ITGB3: variants seen among roughly 807,000 people sequenced by gnomAD.
ITGB3 encodes integrin beta-3.
Under a neutral mutation model 85.8 loss-of-function variants are expected in ITGB3, and 48 were observed. That is an observed-to-expected ratio of 0.56 (90% CI 0.44 to 0.71). The LOEUF (loss-of-function observed/expected upper bound fraction) is 0.71, where lower values mean the gene tolerates loss of function less well. ITGB3 is among the 30% of genes least tolerant of loss of function. ITGB3 has a pLI of 0.00. For synonymous variants in ITGB3, 363 were observed against 395.6 expected (o/e 0.92, Z 0.98); for missense variants, 861 against 1,019.1 (o/e 0.84, Z 2.11).
chr17:47,257,956 G>C (rs58847127), intron 1 of ITGB3, among the ~76,000 whole-genome samples: 6,683 of 152,210 alleles, frequency 0.044, 207 homozygotes, highest in Admixed American at 0.099. Flanking sequence ...TTTCCTGATC[G>C]AAATTTCTCC....
intron 1 of ITGB3, among the ~76,000 whole-genome samples, chr17:47,255,969 AAAT>A (rs554109381): frequency 0.014 from 1,814 of 126,904 alleles, 17 homozygotes; most frequent in African/African-American, 0.034. Flanking sequence ...AACTCAGTAA[AAAT>A]AAATAAATAA....
chr17:47,279,143 C>T (rs1308210813), intron 2 of ITGB3, among the ~76,000 whole-genome samples: 1 of 152,166 alleles, frequency 6.6e-6, no homozygotes, highest in African/African-American at 2.4e-5. Context: ...GTACCAAGAG[C>T]GTGTGTCACC....
intron 1 of ITGB3, among the ~76,000 whole-genome samples, chr17:47,263,305 A>T (rs529374396): frequency 3.1e-4 from 47 of 152,254 alleles, no homozygotes; most frequent in African/African-American, 1.0e-3. Flanking sequence ...TGGCGACCTA[A>T]TTAACCTCAT....
intron 1 of ITGB3, among the ~76,000 whole-genome samples, chr17:47,255,933 C>T (rs941056043): frequency 1.3e-5 from 2 of 151,356 alleles, no homozygotes; most frequent in Non-Finnish European, 2.9e-5. Context: ...GCTATTGATG[C>T]CGGGAATGGA....
intron 1 of ITGB3, among the ~76,000 whole-genome samples, chr17:47,259,095 A>G (rs2149058938): frequency 6.6e-6 from 1 of 152,318 alleles, no homozygotes; most frequent in East Asian, 1.9e-4. Flanking sequence ...AGCTATATAT[A>G]AGTCATTAGA....
chr17:47,302,749 T>C lies in ITGB3; in HGVS notation c.2043T>C (p.Cys681=), dbSNP rs991801521. ...LKDTGKDAVN[C]TYKNEDDCVV... ...ACACTGGCAAGGATGCAGTGAATTG[T>C]ACCTATAAGAATGAGGATGACTGTG... Residue 681 remains cysteine, a synonymous_variant, in exon 13 of 15, where the codon TGT becomes TGC. Transcript: ENST00000559488. 3.1e-6 allele frequency: 5 copies of C among 1,614,122 alleles called. No individual in the cohort carries two copies. In the African/African-American group the frequency reaches 6.7e-5, roughly 22 times the overall value.
At chr17:47,292,062 C>T in intron 9 of ITGB3, 77 bp from the exon 10 acceptor site, 1 of 1,509,390 alleles carries the variant, frequency 6.6e-7, no homozygotes, top group Non-Finnish European at 9.2e-7. Flanking sequence ...GGGCAGGGAA[C>T]AACTTTTTTT....
chr17:47,302,665 G>A, intron 12 of ITGB3, 56 bp from the exon 13 acceptor site: 2 of 1,609,192 alleles, frequency 1.2e-6, no homozygotes, highest in Non-Finnish European at 1.7e-6. Context: ...GTTTGGAGTG[G>A]TCCCATCTTC....
In ITGB3 at chr17:47,283,411, T is replaced by C; in HGVS notation, c.223T>C (p.Cys75Arg). The C allele has an allele frequency of 6.2e-7, 1 of 1,614,218 alleles. No homozygotes were observed. Among genetic ancestry groups the C allele is most frequent in the Non-Finnish European group, 8.5e-7 (1 of 1,180,042 alleles). Residue 75 changes from cysteine (C) to arginine (R), a missense_variant, in exon 3 of 15, where the codon TGT (cysteine) becomes CGT (arginine). Coordinates refer to ENST00000559488, the MANE Select transcript of ITGB3 (RefSeq NM_000212.3). ...DLKENLLKDN[C>R]APESIEFPVS... ...GAAGGAGAATCTGCTGAAGGATAACTGTGCCCCAGAATCCATCGAGTTCCC... is the reference window on the plus strand; with the variant it reads ...GAAGGAGAATCTGCTGAAGGATAACCGTGCCCCAGAATCCATCGAGTTCCC...
chr17:47,267,075 G>A (rs1476613615), intron 1 of ITGB3, among the ~76,000 whole-genome samples: 2 of 152,144 alleles, frequency 1.3e-5, no homozygotes, highest in Non-Finnish European at 2.9e-5. Flanking sequence ...TGAGACTCAG[G>A]ATAAAAACAA....
At chr17:47,264,658 GT>G (rs1318611622) in intron 1 of ITGB3, among the ~76,000 whole-genome samples, 4 of 152,054 alleles carry the variant, frequency 2.6e-5, no homozygotes, top group African/African-American at 9.7e-5. Flanking sequence ...AACCTCCTCT[GT>G]GCTTTTCTCT....
At chr17:47,280,420 G>A (rs1167198951) in intron 2 of ITGB3, among the ~76,000 whole-genome samples, 1 of 152,160 alleles carries the variant, frequency 6.6e-6, no homozygotes, top group Non-Finnish European at 1.5e-5. Flanking sequence ...GCAGTGGTGT[G>A]ATCTTGGCTC....
At chr17:47,275,041 G>A (rs1028277444) in intron 2 of ITGB3, among the ~76,000 whole-genome samples, 1 of 152,164 alleles carries the variant, frequency 6.6e-6, no homozygotes, top group Non-Finnish European at 1.5e-5. Flanking sequence ...ATGGGGTTGG[G>A]AGGGGTTGCT....
chr17:47,301,459 G>A (rs532512822), intron 12 of ITGB3, among the ~76,000 whole-genome samples: 1 of 152,304 alleles, frequency 6.6e-6, no homozygotes, highest in East Asian at 1.9e-4. Flanking sequence ...CTGGGGTGAG[G>A]TTAGCGATTT....
At chr17:47,283,686 G>A in intron 3 of ITGB3, 137 bp downstream of exon 3, 1 of 808,120 alleles carries the variant, frequency 1.2e-6, no homozygotes, top group South Asian at 1.4e-5. Context: ...GGGGGGAGGT[G>A]TGGGCAAGAG....
rs776647833 is a variant in ITGB3 at position 47,286,308 on chromosome 17, G to A, written c.663G>A (p.Thr221=). 5.7e-5 allele frequency: 92 copies of A among 1,614,038 alleles called. No homozygotes were observed. The highest frequency in any genetic ancestry group is 6.9e-5 in the Non-Finnish European group (81 of 1,180,038). ...LPMFGYKHVL[T]LTDQVTRFNE... ...TGTTTGGCTACAAACACGTGCTGAC[G>A]CTAACTGACCAGGTGACCCGCTTCA... is the stretch of plus-strand genomic sequence containing the variant. The change falls in exon 5 of 15, where the codon ACG becomes ACA. Residue 221 remains threonine (T), a synonymous_variant. Transcript: ENST00000559488.
At chr17:47,288,127 A>G (rs567729893) in intron 6 of ITGB3, among the ~76,000 whole-genome samples, 2 of 151,202 alleles carry the variant, frequency 1.3e-5, no homozygotes, top group African/African-American at 4.9e-5. Context: ...GGCTTAAGCA[A>G]TCTGCCCTCT....
At chr17:47,258,447 T>G (rs1347101188) in intron 1 of ITGB3, among the ~76,000 whole-genome samples, 1 of 152,032 alleles carries the variant, frequency 6.6e-6, no homozygotes, top group Non-Finnish European at 1.5e-5. Context: ...TTTTTTTTTT[T>G]GTTAGATAAT....
intron 10 of ITGB3, among the ~76,000 whole-genome samples, chr17:47,293,954 C>T (rs771222731): frequency 1.3e-5 from 2 of 152,142 alleles, no homozygotes; most frequent in South Asian, 2.1e-4. Context: ...ATACTCACTT[C>T]GATACTGATA....
Sources: allele counts gnomAD v4.1 joint callset (sites outside exome capture counted in the v4.1 genomes callset), GRCh38; gene constraint gnomAD v4.1.1; transcripts MANE v1.5; gene names NCBI Gene and HGNC (gene_info 2026-07-23, HGNC 2026-07-21).